The following COL24A1 variants were observed in gnomAD, a reference collection of about 807,000 sequenced individuals.
The protein encoded by COL24A1 is collagen alpha-1(XXIV) chain.
Under a neutral mutation model 253.9 loss-of-function variants are expected in COL24A1, and 224 were observed. That is an observed-to-expected ratio of 0.88 (90% CI 0.79 to 0.99). The LOEUF is 0.99. Ranked by LOEUF, COL24A1 falls within the 50% of genes least tolerant of loss-of-function variation. The probability of loss-of-function intolerance (pLI) is 0.00; values close to 1 mark genes in which losing one functional copy is unlikely to be tolerated. For synonymous variants in COL24A1, 685 were observed against 673.7 expected (o/e 1.02, Z -0.26); for missense variants, 2,131 against 2,068.5 (o/e 1.03, Z -0.59).
At chr1:85,731,768 T>TA (rs1307827297) in intron 59 of COL24A1, among the ~76,000 whole-genome samples, 2 of 152,064 alleles carry the variant, frequency 1.3e-5, no homozygotes, top group East Asian at 3.9e-4. Context: ...AAGTACAATG[T>TA]AAAAAATGTA....
At chr1:85,907,355 A>G (rs1684943623) in intron 27 of COL24A1, 108 bp from the exon 28 acceptor site, 1 of 853,002 alleles carries the variant, frequency 1.2e-6, no homozygotes, top group Non-Finnish European at 1.9e-6. Flanking sequence ...ACATTTTTAC[A>G]ATTGATTAGT....
chr1:85,970,106 CTTTAA>C (rs1261823752), intron 22 of COL24A1, 116 bp downstream of exon 22: 1 of 895,218 alleles, frequency 1.1e-6, no homozygotes, highest in African/African-American at 1.7e-5. Context: ...CATTTTATGA[CTTTAA>C]TTTGTTTTCA....
chr1:85,766,130 C>T (rs12059113), intron 53 of COL24A1, among the ~76,000 whole-genome samples: 10,769 of 151,884 alleles, frequency 0.071, 500 homozygotes, highest in East Asian at 0.23. Context: ...CTTTGGGAGG[C>T]TGAGGTGGGC....
At chr1:86,052,289 C>A (rs1349677383) in intron 10 of COL24A1, among the ~76,000 whole-genome samples, 1 of 152,058 alleles carries the variant, frequency 6.6e-6, no homozygotes, top group Non-Finnish European at 1.5e-5. Flanking sequence ...TTTCTATACC[C>A]ATTCCAGCAT....
intron 24 of COL24A1, among the ~76,000 whole-genome samples, chr1:85,945,005 T>G (rs898075803): frequency 3.4e-5 from 2 of 58,366 alleles, no homozygotes; most frequent in African/African-American, 1.6e-4. Context: ...TCATTGTGTT[T>G]TTTTTTTTTT....
intron 1 of COL24A1, among the ~76,000 whole-genome samples, chr1:86,150,034 G>C (rs1572088097): frequency 6.6e-6 from 1 of 152,204 alleles, no homozygotes; most frequent in Middle Eastern, 3.4e-3. Flanking sequence ...TAGCAGTATG[G>C]ATCCCACTAC....
rs115323019 is a variant in COL24A1, at chr1:85,980,364, G to T, written c.2364+7237C>A. ...CAATCAGACAAGAGAAAGAAATAAA[G>T]AATCGGTAAAGAGGAAGTCAAACCA... On this transcript the variant is annotated intron_variant, in intron 20 of 59. Transcript: ENST00000370571. Among the ~76,000 whole-genome samples the T allele has an allele frequency of 6.8e-3, 1,036 of 152,078 alleles. 10 individuals carry two copies. The highest frequency in any genetic ancestry group is 0.024 in the African/African-American group (1,006 of 41,520).
intron 7 of COL24A1, among the ~76,000 whole-genome samples, chr1:86,081,423 C>T (rs993042848): frequency 1.3e-5 from 2 of 152,104 alleles, no homozygotes; most frequent in Non-Finnish European, 2.9e-5. Context: ...TCCCTGGCTG[C>T]ATATGTAGAA....
chr1:85,873,313 T>C (rs1398149639), intron 35 of COL24A1, among the ~76,000 whole-genome samples: 1 of 152,056 alleles, frequency 6.6e-6, no homozygotes, highest in East Asian at 1.9e-4. Context: ...AGAAATACCA[T>C]TTGACCCAGC....
intron 24 of COL24A1, among the ~76,000 whole-genome samples, chr1:85,915,633 G>C (rs1208884507): frequency 6.6e-6 from 1 of 152,116 alleles, no homozygotes; most frequent in African/African-American, 2.4e-5. Context: ...ACACAGACTA[G>C]TCAAACTATT....
At chr1:85,858,750 T>A (rs1678797597) in intron 37 of COL24A1, among the ~76,000 whole-genome samples, 1 of 151,320 alleles carries the variant, frequency 6.6e-6, no homozygotes, top group Admixed American at 6.6e-5. Flanking sequence ...TTCCTTCTTT[T>A]CTTTTCTTTT....
chr1:85,871,553 A>G (rs1214793731), intron 35 of COL24A1, among the ~76,000 whole-genome samples: 1 of 152,230 alleles, frequency 6.6e-6, no homozygotes, highest in African/African-American at 2.4e-5. Context: ...TATGCGAATC[A>G]ATAAATGTAA....
At chr1:86,022,173 T>TA (rs1697599531) in intron 18 of COL24A1, 67 bp downstream of exon 18, 1 of 1,343,832 alleles carries the variant, frequency 7.4e-7, no homozygotes, top group Admixed American at 1.7e-5. Flanking sequence ...AGATCAACAG[T>TA]GTCGAGACTC....
chr1:85,945,010 T>TG (rs1558752100), intron 24 of COL24A1, among the ~76,000 whole-genome samples: 5 of 71,812 alleles, frequency 7.0e-5, no homozygotes, highest in Non-Finnish European at 1.3e-4. Context: ...GTGTTTTTTT[T>TG]TTTTTTTTTT....
At chr1:85,858,747 T>G (rs192956349) in intron 37 of COL24A1, among the ~76,000 whole-genome samples, 1 of 150,884 alleles carries the variant, frequency 6.6e-6, no homozygotes, top group Non-Finnish European at 1.5e-5. Context: ...CCTTTCCTTC[T>G]TTTCTTTTCT....
At chr1:86,098,214 G>T (rs1315678091) in intron 5 of COL24A1, among the ~76,000 whole-genome samples, 1 of 152,078 alleles carries the variant, frequency 6.6e-6, no homozygotes, top group Non-Finnish European at 1.5e-5. Context: ...TACTAATGGT[G>T]TCAGAGGTCA....
At chr1:85,910,852 G>A (rs895777297) in intron 25 of COL24A1, among the ~76,000 whole-genome samples, 21 of 151,830 alleles carry the variant, frequency 1.4e-4, no homozygotes, top group Admixed American at 1.3e-4. Context: ...TCCAAGAAGT[G>A]AAGAAATTAG....
intron 37 of COL24A1, among the ~76,000 whole-genome samples, chr1:85,858,665 T>C (rs143467468): frequency 5.4e-5 from 8 of 147,784 alleles, no homozygotes; most frequent in Non-Finnish European, 8.9e-5. Flanking sequence ...CCTTCCTTCC[T>C]TCCTTCCTTC....
At position 85,992,169 on chromosome 1, in the gene COL24A1, G is replaced by A. The variant is rs559298718; in HGVS notation, c.2311-4515C>T. On this transcript the variant is annotated intron_variant, in intron 19 of 59. Coordinates refer to ENST00000370571, the MANE Select transcript of COL24A1 (RefSeq NM_152890.7). ...TTCCCACCTATGAGTGAGAACATGC[G>A]GTGTTTGGTTTTTCGTCCTTGCGAT... 4.6e-5 allele frequency among the ~76,000 whole-genome samples: 7 copies of A among 151,898 alleles called. No homozygotes were observed. The South Asian group carries it at 1.2e-3, about 27-fold the overall frequency.
Sources: gnomAD v4.1 joint callset for allele counts (sites outside exome capture counted in the v4.1 genomes callset) on GRCh38, gnomAD v4.1.1 for gene constraint, MANE v1.5 for transcripts, NCBI Gene and HGNC (gene_info 2026-07-23, HGNC 2026-07-21) for gene names.